The following CYP27C1 variants were observed in gnomAD, a reference collection of about 807,000 sequenced individuals.
The protein encoded by CYP27C1 is cytochrome P450 27C1.
Under a neutral mutation model 40.6 loss-of-function variants are expected in CYP27C1, and 29 were observed. The observed-to-expected ratio is 0.71, with a 90% CI of 0.53 to 0.97. CYP27C1 has a LOEUF of 0.97. CYP27C1 is among the 50% of genes least tolerant of loss of function. The pLI is 0.00. For synonymous variants in CYP27C1, 198 were observed against 186.8 expected (o/e 1.06, Z -0.49); for missense variants, 390 against 485.8 (o/e 0.80, Z 1.85).
Position 127,196,594 on chromosome 2 carries a change from C to T in CYP27C1, c.1048-1093G>A, listed in dbSNP as rs530539228. On this transcript the variant is annotated intron_variant, in intron 5 of 8. Coordinates refer to ENST00000664447, the MANE Select transcript of CYP27C1 (RefSeq NM_001367502.1). The surrounding 1 kb of genome is among the most constrained non-coding windows in gnomAD (Gnocchi z 4.5). ...TATCATTTTCTTGTAGAAGATATCA[C>T]GTGTTTTAGAGGGCAGCCCTCTTGT... 1.3e-4 allele frequency among the ~76,000 whole-genome samples: 20 copies of T among 151,036 alleles called. No homozygotes were observed. The highest frequency in any genetic ancestry group is 5.8e-4 in the East Asian group (3 of 5,142).
intron 2 of CYP27C1, among the ~76,000 whole-genome samples, chr2:127,204,226 A>G (rs1276505296): frequency 6.7e-6 from 1 of 148,268 alleles, no homozygotes; most frequent in Non-Finnish European, 1.5e-5. Context: ...AGATCACGCC[A>G]TTGCACTCCA....
rs1456250451 is a variant in CYP27C1 at position 127,199,365 on chromosome 2, C to T, written c.1047+11G>A. On this transcript the variant is annotated intron_variant, in intron 5 of 8. Transcript: ENST00000664447. Reference sequence around the variant, plus strand: ...TGTGTTGCTTGCTGAGAACAGGACCCCCAGACTCACCGTGTCGACGCCGGC... The same window carrying T: ...TGTGTTGCTTGCTGAGAACAGGACCTCCAGACTCACCGTGTCGACGCCGGC... 1 of 1,613,532 alleles carries T rather than the reference C, an allele frequency of 6.2e-7. No individual in the cohort carries two copies. Among genetic ancestry groups the T allele is most frequent in the African/African-American group, 1.3e-5 (1 of 74,910 alleles).
chr2:127,211,361 GTTTTTTTGTTTTTTTTTTTT>G (rs1683332334), intron 1 of CYP27C1, among the ~76,000 whole-genome samples: 2 of 103,638 alleles, frequency 1.9e-5, no homozygotes, highest in African/African-American at 7.9e-5. Flanking sequence ...CTAAAGCAGT[GTTTTTTTGTTTTTTTTTTTT>G]TTTTTTTTTT....
At chr2:127,211,369 GTTTTTT>G (rs371826841) in intron 1 of CYP27C1, among the ~76,000 whole-genome samples, 12 of 94,972 alleles carry the variant, frequency 1.3e-4, no homozygotes, top group African/African-American at 5.1e-4. Context: ...GTGTTTTTTT[GTTTTTT>G]TTTTTTTTTT....
At position 127,199,389 on chromosome 2, in the gene CYP27C1, G is replaced by T; in HGVS notation, c.1034C>A (p.Ala345Asp). ...IYANVTEMLL[A>D]GVDTTSFTLS... is the part of the protein sequence containing the mutation. ...CCCCAGACTCACCGTGTCGACGCCG[G>T]CCAGCAGCATCTCAGTCACGTTGGC... Residue 345 changes from alanine to aspartate, a missense_variant, in exon 5 of 9, where the codon GCC (alanine) becomes GAC (aspartate). By Grantham distance (126) the Ala-to-Asp change is moderately radical (BLOSUM62 -2). Coordinates refer to ENST00000664447, the MANE Select transcript of CYP27C1 (RefSeq NM_001367502.1). 1 of 1,614,050 alleles carries T rather than the reference G, an allele frequency of 6.2e-7. No individual in the cohort carries two copies. Among genetic ancestry groups the T allele is most frequent in the East Asian group, 2.2e-5 (1 of 44,876 alleles).
chr2:127,191,062 A>G (rs1573890584), intron 8 of CYP27C1, among the ~76,000 whole-genome samples: 1 of 151,884 alleles, frequency 6.6e-6, no homozygotes, highest in African/African-American at 2.4e-5. Flanking sequence ...CCTGGCCAAC[A>G]TGATGAATCC....
intron 2 of CYP27C1, among the ~76,000 whole-genome samples, chr2:127,204,205 A>G (rs899170518): frequency 1.0e-4 from 15 of 149,250 alleles, no homozygotes; most frequent in Admixed American, 8.8e-4. Flanking sequence ...GGCAGAGGTC[A>G]TGGTGAGCCA....
At position 127,185,852 on chromosome 2, in the gene CYP27C1, G is replaced by T. The variant is rs1253522477; in HGVS notation, c.*1419C>A. 1 of 152,194 alleles carries T rather than the reference G, an allele frequency of 6.6e-6. No individual in the cohort carries two copies. The highest frequency in any genetic ancestry group is 1.5e-5 in the Non-Finnish European group (1 of 68,044). 9.4% of individuals were successfully genotyped at this position (152,194 alleles called of 1,614,324 possible). A position where few individuals can be genotyped will look rare whatever the true frequency, so the allele number is the denominator to read the frequency against. On this transcript the variant is annotated 3_prime_UTR_variant, in exon 9 of 9. Transcript: ENST00000664447. This position sits in a 1 kb window ranked among gnomAD's most constrained non-coding sequence, Gnocchi z 4.9. ...GCATGATGACAAGGCAAGAGCATCA[G>T]GAAATCACGGTGTTTCCTCTTAGCA...
At chr2:127,213,317 A>C (rs1683368465) in intron 1 of CYP27C1, among the ~76,000 whole-genome samples, 1 of 146,172 alleles carries the variant, frequency 6.8e-6, no homozygotes, top group African/African-American at 2.4e-5. Context: ...GAAAAAAAAA[A>C]ACTTAAATTT....
chr2:127,206,452 G>A (rs141868407), intron 1 of CYP27C1, among the ~76,000 whole-genome samples: 1 of 152,020 alleles, frequency 6.6e-6, no homozygotes, highest in Non-Finnish European at 1.5e-5. Context: ...AGGACTGCAG[G>A]TGCACACCTC....
At position 127,184,887 on chromosome 2, in the gene CYP27C1, A is replaced by G. The variant is rs558454007; in HGVS notation, c.*2384T>C. ...CCAGGCTGGAGTGTAATGGCGGATCACAGCTCACTGCAGCCTCAACCTCCC... is the reference window on the plus strand; with the variant it reads ...CCAGGCTGGAGTGTAATGGCGGATCGCAGCTCACTGCAGCCTCAACCTCCC... On this transcript the variant is annotated 3_prime_UTR_variant, in exon 9 of 9. Transcript: ENST00000664447. 1 of 151,956 alleles carries G rather than the reference A, an allele frequency of 6.6e-6. No individual in the cohort carries two copies. The highest frequency in any genetic ancestry group is 2.0e-4 in the East Asian group (1 of 5,084). The allele number at this position is 151,956 out of a possible 1,614,324, so 9.4% of individuals were successfully genotyped here.
rs982988751 is a variant in CYP27C1, at chr2:127,218,664, T to C, written c.282+1325A>G. ...CTGAATGGCTGATGGAACGAATGAA[T>C]GACTGAAGCCCAGGTGGGTAGTTAG... On this transcript the variant is annotated intron_variant, in intron 1 of 8. Coordinates refer to ENST00000664447, the MANE Select transcript of CYP27C1 (RefSeq NM_001367502.1). The surrounding 1 kb of genome is among the most constrained non-coding windows in gnomAD (Gnocchi z 6.0). Among the ~76,000 whole-genome samples, 56 of 152,136 alleles carry C rather than the reference T, an allele frequency of 3.7e-4. 1 individual carries two copies. Among genetic ancestry groups the C allele is most frequent in the Admixed American group, 2.2e-3 (33 of 15,278 alleles).
intron 1 of CYP27C1, among the ~76,000 whole-genome samples, chr2:127,210,316 G>A (rs780646411): frequency 6.6e-6 from 1 of 152,170 alleles, no homozygotes; most frequent in Non-Finnish European, 1.5e-5. Flanking sequence ...AATGCTGAGG[G>A]ATTTTGTTAC....
chr2:127,199,650 G>T, intron 4 of CYP27C1, 111 bp from the exon 5 acceptor site: 2 of 1,201,730 alleles, frequency 1.7e-6, no homozygotes, highest in Non-Finnish European at 1.1e-6. Context: ...GCAGGTGACA[G>T]AGGGTAAGGA....
At chr2:127,197,932 G>A (rs567623853) in intron 5 of CYP27C1, among the ~76,000 whole-genome samples, 15 of 152,016 alleles carry the variant, frequency 9.9e-5, no homozygotes, top group African/African-American at 2.9e-4. Context: ...TTCCCTCCAC[G>A]CGCTGCTCTG....
chr2:127,199,690 G>A, intron 4 of CYP27C1, 151 bp from the exon 5 acceptor site: 1 of 672,764 alleles, frequency 1.5e-6, no homozygotes, highest in Non-Finnish European at 2.4e-6. Context: ...CAACCTGGGA[G>A]TTTCACTCAT....
intron 3 of CYP27C1, among the ~76,000 whole-genome samples, chr2:127,202,900 G>A (rs1364333981): frequency 2.0e-5 from 3 of 152,154 alleles, no homozygotes; most frequent in Non-Finnish European, 2.9e-5. Flanking sequence ...CAGGTGCAGT[G>A]GCTCATGCCT....
chr2:127,193,789 G>C lies in CYP27C1; in HGVS notation c.1293C>G (p.Gly431=). 6.2e-7 allele frequency: 1 copy of C among 1,614,054 alleles called. No homozygotes were observed. The highest frequency in any genetic ancestry group is 8.5e-7 in the Non-Finnish European group (1 of 1,179,992). ...LVIGGYLIPK[G]TQLALCHYAT... ...GCCACCCCCATGGCCCCAAACTCAC[G>C]CCTTTCGGAATCAGATACCCGCCAA... The change falls in exon 7 of 9, where the codon GGC becomes GGG. Residue 431 remains glycine (G), a splice_region_variant and synonymous_variant. Transcript: ENST00000664447.
intron 2 of CYP27C1, among the ~76,000 whole-genome samples, chr2:127,204,555 G>GAGAAAGAAAGACAGAAAGAA (rs1683167499): frequency 2.6e-5 from 1 of 39,152 alleles, no homozygotes. Flanking sequence ...GAGAGAGAGA[G>GAGAAAGAAAGACAGAAAGAA]AGAAAGAAAG....
Sources: gnomAD v4.1 joint callset for allele counts (sites outside exome capture counted in the v4.1 genomes callset) on GRCh38, gnomAD v4.1.1 for gene constraint, Gnocchi (gnomAD v3.1) non-coding constraint, MANE v1.5 for transcripts, NCBI Gene and HGNC (gene_info 2026-07-23, HGNC 2026-07-21) for gene names.